Variants in DSE observed in about 807,000 individuals in gnomAD.
DSE encodes dermatan-sulfate epimerase.
Under a neutral mutation model 84.4 loss-of-function variants are expected in DSE, and 36 were observed. That is an observed-to-expected ratio of 0.43 (90% CI 0.33 to 0.56). The LOEUF (loss-of-function observed/expected upper bound fraction) is 0.56, where lower values mean the gene tolerates loss of function less well. DSE is among the 20% of genes least tolerant of loss of function. The pLI is 0.06. For missense variants in DSE, 862 were observed against 1,169.6 expected (o/e 0.74, Z 3.84); for synonymous variants, 410 against 430.1 (o/e 0.95, Z 0.58).
At chr6:116,316,826 C>CTACTACTATTATTATTATTATTAT (rs59889768) in intron 2 of DSE, among the ~76,000 whole-genome samples, 1 of 145,848 alleles carries the variant, frequency 6.9e-6, no homozygotes, top group African/African-American at 2.6e-5. Context: ...ACTACTACTA[C>CTACTACTATTATTATTATTATTAT]TATTATTATT....
chr6:116,358,706 C>A (rs944308744), intron 2 of DSE, among the ~76,000 whole-genome samples: 3 of 152,160 alleles, frequency 2.0e-5, no homozygotes, highest in Non-Finnish European at 4.4e-5. Context: ...TTGCTTTAAA[C>A]CTTATCTATT....
chr6:116,284,039 T>C (rs962630538), intron 2 of DSE, among the ~76,000 whole-genome samples: 3 of 152,190 alleles, frequency 2.0e-5, no homozygotes, highest in East Asian at 1.9e-4. Context: ...ATTTCTGTAA[T>C]TGACAATAAA....
chr6:116,352,277 C>A (rs932883108), intron 2 of DSE, among the ~76,000 whole-genome samples: 1 of 152,218 alleles, frequency 6.6e-6, no homozygotes, highest in Non-Finnish European at 1.5e-5. Context: ...CTCCTTGGTA[C>A]AACCAGTCCT....
rs1784385019 is a variant in DSE at position 116,440,228 on chromosome 6, A to G, written c.*2883A>G. 6.6e-6 allele frequency: 1 copy of G among 152,178 alleles called. No individual in the cohort carries two copies. The highest frequency in any genetic ancestry group is 1.5e-5 in the Non-Finnish European group (1 of 68,034). The allele number at this position is 152,178 out of a possible 1,614,324, so 9.4% of individuals were successfully genotyped here. A position where few individuals can be genotyped will look rare whatever the true frequency, so the allele number is the denominator to read the frequency against. On this transcript the variant is annotated 3_prime_UTR_variant, in exon 6 of 6. Coordinates refer to ENST00000644252, the MANE Select transcript of DSE (RefSeq NM_013352.4). ...GTTATCAGAAAATATGTCTTAACAGAATGTTTTGCATACTGAATAATTTGT... is the reference window on the plus strand; with the variant it reads ...GTTATCAGAAAATATGTCTTAACAGGATGTTTTGCATACTGAATAATTTGT...
intron 1 of DSE, among the ~76,000 whole-genome samples, chr6:116,395,357 A>G (rs1781179279): frequency 6.6e-6 from 1 of 151,840 alleles, no homozygotes; most frequent in African/African-American, 2.4e-5. Context: ...CCCAGGAGGC[A>G]GAGCTTGCAG....
chr6:116,291,370 TAAG>T (rs561811796), intron 2 of DSE, among the ~76,000 whole-genome samples: 1 of 151,822 alleles, frequency 6.6e-6, no homozygotes, highest in African/African-American at 2.4e-5. Context: ...TGAGTCCTAA[TAAG>T]AAAAATAAAA....
chr6:116,289,705 T>C (rs1409250201), intron 2 of DSE, among the ~76,000 whole-genome samples: 1 of 152,112 alleles, frequency 6.6e-6, no homozygotes, highest in Non-Finnish European at 1.5e-5. Context: ...GGTCATTTAC[T>C]ACTTTCCACA....
At chr6:116,381,643 A>G (rs1281571934) in intron 1 of DSE, among the ~76,000 whole-genome samples, 1 of 152,128 alleles carries the variant, frequency 6.6e-6, no homozygotes, top group Non-Finnish European at 1.5e-5. Context: ...TGTGGTAAGG[A>G]TTAAATAAGT....
chr6:116,347,452 C>A (rs1032422750), intron 2 of DSE, among the ~76,000 whole-genome samples: 1 of 152,066 alleles, frequency 6.6e-6, no homozygotes, highest in East Asian at 1.9e-4. Flanking sequence ...GAGATATAGA[C>A]CAATGGAACA....
chr6:116,366,910 G>A (rs1364916397), upstream of DSE: 2 of 152,256 alleles, frequency 1.3e-5, no homozygotes, highest in African/African-American at 4.8e-5. Context: ...TGTGAGGCCA[G>A]GAAGTATGTA....
At chr6:116,423,324 G>T (rs1037532592) in intron 2 of DSE, among the ~76,000 whole-genome samples, 8 of 152,158 alleles carry the variant, frequency 5.3e-5, no homozygotes, top group Non-Finnish European at 1.2e-4. Context: ...ATTTGTAGAA[G>T]ATTAGGGAAA....
At chr6:116,295,675 C>G (rs902368431) in intron 2 of DSE, among the ~76,000 whole-genome samples, 1 of 152,070 alleles carries the variant, frequency 6.6e-6, no homozygotes, top group African/African-American at 2.4e-5. Context: ...AGTTATTTTT[C>G]AAGGCATCAC....
chr6:116,354,545 G>T (rs1778479555), intron 2 of DSE, among the ~76,000 whole-genome samples: 1 of 152,162 alleles, frequency 6.6e-6, no homozygotes, highest in Non-Finnish European at 1.5e-5. Context: ...GTCAAAATGG[G>T]AAGGGGCTCA....
intron 2 of DSE, among the ~76,000 whole-genome samples, chr6:116,286,915 A>G (rs553480710): frequency 1.3e-5 from 2 of 152,274 alleles, no homozygotes; most frequent in East Asian, 3.8e-4. Context: ...CACATTTCTT[A>G]AATCAGGATG....
At chr6:116,294,619 A>G (rs1774539242) in intron 2 of DSE, among the ~76,000 whole-genome samples, 2 of 152,272 alleles carry the variant, frequency 1.3e-5, no homozygotes, top group East Asian at 1.9e-4. Flanking sequence ...ATGAAGGTAG[A>G]TAGGGGAAGT....
At chr6:116,354,197 G>T (rs1477361165) in intron 2 of DSE, among the ~76,000 whole-genome samples, 1 of 152,174 alleles carries the variant, frequency 6.6e-6, no homozygotes, top group African/African-American at 2.4e-5. Flanking sequence ...TGTTGACCCA[G>T]ACTATATAAC....
At chr6:116,375,834 A>G (rs781537767) in intron 1 of DSE, among the ~76,000 whole-genome samples, 161 of 152,278 alleles carry the variant, frequency 1.1e-3, no homozygotes, top group Non-Finnish European at 1.9e-3. Flanking sequence ...CAAATATTTT[A>G]ATATTTTAGT....
chr6:116,365,953 A>G (rs1779145279), upstream of DSE: 1 of 152,374 alleles, frequency 6.6e-6, no homozygotes, highest in South Asian at 2.1e-4. Context: ...ATCCTGCCTG[A>G]AAAATGCCCA....
At chr6:116,321,563 G>A (rs574429907) in intron 2 of DSE, among the ~76,000 whole-genome samples, 2 of 152,130 alleles carry the variant, frequency 1.3e-5, no homozygotes, top group East Asian at 1.9e-4. Context: ...CCGAGCAGGT[G>A]GATCACGAGT....
Sources: gnomAD v4.1 joint callset for allele counts (sites outside exome capture counted in the v4.1 genomes callset) on GRCh38, gnomAD v4.1.1 for gene constraint, MANE v1.5 for transcripts, NCBI Gene and HGNC (gene_info 2026-07-23, HGNC 2026-07-21) for gene names.